The following GET1 variants were observed in gnomAD, a reference collection of about 807,000 sequenced individuals.
The protein encoded by GET1 is congenital heart disease 5 protein.
In GET1, 20 loss-of-function variants were observed where a neutral mutation model predicts 22.6. The ratio of observed to expected loss-of-function variants is 0.89; its 90% CI spans 0.62 to 1.29. GET1 has a LOEUF of 1.29. Among genes scored for constraint, GET1 ranks in the 50% most tolerant of loss-of-function variants. The probability of loss-of-function intolerance (pLI) is 0.00; values close to 1 mark genes in which losing one functional copy is unlikely to be tolerated. For missense variants in GET1, 209 were observed against 219.9 expected (o/e 0.95, Z 0.31); for synonymous variants, 92 against 83.8 (o/e 1.10, Z -0.53).
intron 1 of GET1, chr21:39,423,490 C>A (rs776399756): frequency 6.5e-7 from 1 of 1,541,996 alleles, no homozygotes; most frequent in East Asian, 2.3e-5. Flanking sequence ...TTCCTTCTGG[C>A]CTGTGTAAGC....
In GET1 at chr21:39,386,667, G is replaced by T. The variant is rs547766810; in HGVS notation, c.103-4031G>T. ...TACTGCTGGCAGGGACTAGCACGGG[G>T]TGTGCACGTTGTCATGCCATCAATT... On this transcript the variant is annotated intron_variant, in intron 1 of 4. Coordinates refer to ENST00000649170, the MANE Select transcript of GET1 (RefSeq NM_004627.6). 1.2e-4 allele frequency among the ~76,000 whole-genome samples: 18 copies of T among 152,288 alleles called. No homozygotes were observed. The South Asian group carries it at 3.7e-3, about 32-fold the overall frequency.
At chr21:39,391,556 ATCTC>A in intron 2 of GET1, 1 of 524,582 alleles carries the variant, frequency 1.9e-6, no homozygotes, top group East Asian at 3.6e-5. Flanking sequence ...AGCTATTCAA[ATCTC>A]AATCTGAGTC....
chr21:39,396,488 A>G (rs1044845076), intron 4 of GET1, among the ~76,000 whole-genome samples: 3 of 151,898 alleles, frequency 2.0e-5, no homozygotes, highest in African/African-American at 7.2e-5. Context: ...AGATCGCGCC[A>G]CTGTACTCCC....
chr21:39,399,278 T>C (rs2038779816), downstream of GET1, among the ~76,000 whole-genome samples: 1 of 152,208 alleles, frequency 6.6e-6, no homozygotes, highest in South Asian at 2.1e-4. Context: ...GTAGTACCTA[T>C]TTACTGTTTT....
downstream of GET1, among the ~76,000 whole-genome samples, chr21:39,410,577 T>A (rs140588367): frequency 8.4e-3 from 1,274 of 152,202 alleles, 9 homozygotes; most frequent in Non-Finnish European, 0.014. Flanking sequence ...AGTGTTTGAG[T>A]ATAAAACAAG....
At chr21:39,392,318 C>T (rs1047849644) in intron 3 of GET1, among the ~76,000 whole-genome samples, 1 of 152,176 alleles carries the variant, frequency 6.6e-6, no homozygotes, top group African/African-American at 2.4e-5. Context: ...TCTCCTGGAG[C>T]TGTTGGGCTC....
At chr21:39,424,877 A>T (rs1472589966) in intron 1 of GET1, among the ~76,000 whole-genome samples, 4 of 152,246 alleles carry the variant, frequency 2.6e-5, no homozygotes, top group Non-Finnish European at 5.9e-5. Context: ...AGTATGTTAA[A>T]TACATTTGTA....
rs116021531 is a variant in GET1 at position 39,392,467 on chromosome 21, G to T, written c.336+631G>T. Among the ~76,000 whole-genome samples, 600 of 152,122 alleles carry T rather than the reference G, an allele frequency of 3.9e-3. 7 individuals carry two copies. Among genetic ancestry groups the T allele is most frequent in the African/African-American group, 0.014 (571 of 41,514 alleles). On this transcript the variant is annotated intron_variant, in intron 3 of 4. Transcript: ENST00000649170. Reference sequence around the variant, plus strand: ...CCCCAAAAAAGCTTAGTTTGGCAGGGTATATTGAAGGAAATTAATTCTGAG... The same window carrying T: ...CCCCAAAAAAGCTTAGTTTGGCAGGTTATATTGAAGGAAATTAATTCTGAG...
chr21:39,382,037 C>G (rs187337785), intron 1 of GET1, among the ~76,000 whole-genome samples: 1 of 151,920 alleles, frequency 6.6e-6, no homozygotes, highest in Non-Finnish European at 1.5e-5. Context: ...CTGCACGTGG[C>G]CCCGCTCCCA....
chr21:39,424,155 C>T (rs990057100), intron 1 of GET1, among the ~76,000 whole-genome samples: 2 of 151,890 alleles, frequency 1.3e-5, no homozygotes, highest in Admixed American at 6.6e-5. Flanking sequence ...TGGGATTACA[C>T]GTGTCTGCCA....
At chr21:39,423,287 T>C in intron 1 of GET1, 1 of 1,608,912 alleles carries the variant, frequency 6.2e-7, no homozygotes, top group Non-Finnish European at 8.5e-7. Flanking sequence ...TGAAGTTGTT[T>C]CAAAAATTGG....
At chr21:39,418,481 A>C (rs2041692187) in intron 1 of GET1, among the ~76,000 whole-genome samples, 1 of 152,024 alleles carries the variant, frequency 6.6e-6, no homozygotes. Flanking sequence ...TCTCTGTTAA[A>C]AATGGTTATT....
chr21:39,396,427 C>T (rs1244992382), intron 4 of GET1, among the ~76,000 whole-genome samples: 1 of 152,098 alleles, frequency 6.6e-6, no homozygotes, highest in Non-Finnish European at 1.5e-5. Context: ...ACTCGGGAGG[C>T]TGAGGCAGGA....
At chr21:39,402,717 C>T (rs2038870619), downstream of GET1, among the ~76,000 whole-genome samples, 1 of 152,152 alleles carries the variant, frequency 6.6e-6, no homozygotes, top group South Asian at 2.1e-4. Context: ...TACCTTCTCT[C>T]TCAGAGCTCA....
At chr21:39,412,171 GT>G (rs1207213924) in intron 1 of GET1, among the ~76,000 whole-genome samples, 6 of 152,104 alleles carry the variant, frequency 3.9e-5, no homozygotes, top group Non-Finnish European at 8.8e-5. Flanking sequence ...TAAAATTTAG[GT>G]CGTCAGCCAC....
chr21:39,396,438 C>G (rs139708731), intron 4 of GET1, among the ~76,000 whole-genome samples: 43 of 151,452 alleles, frequency 2.8e-4, no homozygotes, highest in African/African-American at 8.7e-4. Context: ...TGAGGCAGGA[C>G]AATGGCGTGA....
intron 1 of GET1, among the ~76,000 whole-genome samples, chr21:39,389,665 T>C (rs2038166127): frequency 1.3e-5 from 2 of 152,318 alleles, no homozygotes; most frequent in Middle Eastern, 6.8e-3. Flanking sequence ...CCCTGACTCC[T>C]GTGTCAGGCT....
chr21:39,398,284 G>A (rs927930321), downstream of GET1, among the ~76,000 whole-genome samples: 6 of 152,138 alleles, frequency 3.9e-5, no homozygotes, highest in Non-Finnish European at 7.4e-5. Flanking sequence ...AGCACCAAGG[G>A]GGCACGTGCC....
chr21:39,395,257 C>T (rs183789155), intron 4 of GET1, among the ~76,000 whole-genome samples: 3 of 152,222 alleles, frequency 2.0e-5, no homozygotes, highest in Non-Finnish European at 2.9e-5. Flanking sequence ...ATATTTATTC[C>T]GGTCCTGATT....
Sources: allele counts gnomAD v4.1 joint callset (sites outside exome capture counted in the v4.1 genomes callset), GRCh38; gene constraint gnomAD v4.1.1; transcripts MANE v1.5; gene names NCBI Gene and HGNC (gene_info 2026-07-23, HGNC 2026-07-21).